MEGF6: variants seen among roughly 807,000 people sequenced by gnomAD.
MEGF6 encodes multiple epidermal growth factor-like domains protein 6.
MEGF6 carries 184 observed loss-of-function variants against 207.1 expected under a neutral mutation model. The observed-to-expected ratio is 0.89, with a 90% CI of 0.79 to 1.00. MEGF6 has a LOEUF of 1.00. MEGF6 is among the 50% of genes least tolerant of loss of function. MEGF6 has a pLI of 0.00. For synonymous variants in MEGF6, 1,038 were observed against 910.0 expected (o/e 1.14, Z -2.53); for missense variants, 2,282 against 2,202.9 (o/e 1.04, Z -0.72).
chr1:3,501,877 A>T lies in MEGF6; in HGVS notation c.2233T>A (p.Ser745Thr). 6.2e-7 allele frequency: 1 copy of T among 1,608,898 alleles called. No individual in the cohort carries two copies. The highest frequency in any genetic ancestry group is 1.1e-5 in the South Asian group (1 of 90,782). ...CCGTGGCAGGGGGCCCCCCCACAGG[A>T]GCAGGAGCTCGAGCAGTTCACGCCA... ...TFGVNCSSSC[S>T]CGGAPCHGVT... is the part of the protein sequence containing the mutation. The change falls in exon 18 of 37, where the codon TCC becomes ACC. Residue 745 changes from serine to threonine, a missense_variant. Transcript: ENST00000356575.
At chr1:3,558,591 C>T (rs1440314777) in intron 4 of MEGF6, among the ~76,000 whole-genome samples, 1 of 152,168 alleles carries the variant, frequency 6.6e-6, no homozygotes, top group Non-Finnish European at 1.5e-5. Flanking sequence ...CGTTCTAAGC[C>T]AACTGGGATC....
intron 4 of MEGF6, chr1:3,531,330 T>C (rs1436799484): frequency 3.3e-6 from 4 of 1,223,072 alleles, no homozygotes; most frequent in African/African-American, 1.6e-5. Flanking sequence ...GGCAGGCGGC[T>C]CGGGCTGGTT....
intron 3 of MEGF6, among the ~76,000 whole-genome samples, chr1:3,590,427 C>T (rs543588548): frequency 3.3e-5 from 5 of 152,342 alleles, no homozygotes; most frequent in Non-Finnish European, 7.4e-5. Flanking sequence ...GGTCCGAACC[C>T]CACTGCACCC....
In MEGF6 at chr1:3,560,970, C is replaced by G. The variant is rs1464650013; in HGVS notation, c.481+18855G>C. 6.6e-6 allele frequency among the ~76,000 whole-genome samples: 1 copy of G among 152,204 alleles called. No individual in the cohort carries two copies. Among genetic ancestry groups the G allele is most frequent in the Non-Finnish European group, 1.5e-5 (1 of 68,036 alleles). On this transcript the variant is annotated intron_variant, in intron 4 of 36. Transcript: ENST00000356575. This position sits in a 1 kb window ranked among gnomAD's most constrained non-coding sequence, Gnocchi z 4.0. ...AGGGGCTTCGGAGGGCAGGGGTCAG[C>G]TCTAGGCCCTTCTGTACTCCCAGAG...
intron 4 of MEGF6, among the ~76,000 whole-genome samples, chr1:3,576,247 G>A (rs1176189799): frequency 6.6e-6 from 1 of 152,224 alleles, no homozygotes; most frequent in Non-Finnish European, 1.5e-5. Context: ...CTGCGGAAGG[G>A]CTCCCAGGGC....
At chr1:3,568,693 G>A (rs1034024424) in intron 4 of MEGF6, among the ~76,000 whole-genome samples, 1 of 152,104 alleles carries the variant, frequency 6.6e-6, no homozygotes. Context: ...TTGCCGGCCA[G>A]CCCTTTAGCC....
chr1:3,566,005 G>A (rs889067613), intron 4 of MEGF6, among the ~76,000 whole-genome samples: 5 of 152,174 alleles, frequency 3.3e-5, no homozygotes, highest in East Asian at 1.9e-4. Flanking sequence ...ATCCCACCAC[G>A]GTGGGTGACC....
At chr1:3,530,184 C>G (rs908665303) in intron 4 of MEGF6, among the ~76,000 whole-genome samples, 1 of 152,202 alleles carries the variant, frequency 6.6e-6, no homozygotes, top group Non-Finnish European at 1.5e-5. Flanking sequence ...GAAGATGGAG[C>G]CTGGGCTGCC....
At chr1:3,610,925 G>A (rs1379979516) in intron 1 of MEGF6, among the ~76,000 whole-genome samples, 2 of 152,208 alleles carry the variant, frequency 1.3e-5, no homozygotes, top group Non-Finnish European at 2.9e-5. Flanking sequence ...AGTGGGAGGG[G>A]GGGAGGGGAC....
rs980442332 is a variant in MEGF6 at position 3,531,024 on chromosome 1, C to A, written c.482-6778G>T. On this transcript the variant is annotated intron_variant, in intron 4 of 36. Coordinates refer to ENST00000356575, the MANE Select transcript of MEGF6 (RefSeq NM_001409.4). ...CTTTAAAAACAGGAAACAAAGGGAG[C>A]GCGCCGGGGAGCGCCCTGGCCCCGC... 4.2e-6 allele frequency: 6 copies of A among 1,431,274 alleles called. No homozygotes were observed. The Admixed American group carries it at 1.3e-4, about 31-fold the overall frequency. 88.7% of individuals were successfully genotyped at this position (1,431,274 alleles called of 1,614,324 possible).
At chr1:3,605,076 T>A (rs1557429568) in intron 1 of MEGF6, among the ~76,000 whole-genome samples, 1 of 150,768 alleles carries the variant, frequency 6.6e-6, no homozygotes, top group Non-Finnish European at 1.5e-5. Context: ...ACTCACACTC[T>A]CAGTCACACA....
intron 1 of MEGF6, among the ~76,000 whole-genome samples, chr1:3,606,132 G>A (rs183200028): frequency 6.9e-4 from 105 of 152,338 alleles, no homozygotes; most frequent in African/African-American, 2.4e-3. Context: ...CGTGATGAAC[G>A]CACCCACCCC....
At chr1:3,540,881 G>A (rs749874083) in intron 4 of MEGF6, among the ~76,000 whole-genome samples, 1 of 152,206 alleles carries the variant, frequency 6.6e-6, no homozygotes, top group African/African-American at 2.4e-5. Context: ...CAGGGACACC[G>A]ACATTCAGGT....
rs375304540 is a variant in MEGF6, at chr1:3,497,246, G to A, written c.3468C>T (p.Ser1156=). 111 of 1,503,748 alleles carry A rather than the reference G, an allele frequency of 7.4e-5. No individual in the cohort carries two copies. Among genetic ancestry groups the A allele is most frequent in the South Asian group, 3.6e-4 (27 of 75,436 alleles). 93.2% of individuals were successfully genotyped at this position (1,503,748 alleles called of 1,614,324 possible). A position where few individuals can be genotyped will look rare whatever the true frequency, so the allele number is the denominator to read the frequency against. ...ACRCPPGFTG[S]GCEQACPPGS... ...GGGAGCACCTACCCTGCTCGCAGCC[G>A]GAGCCAGTGAAGCCAGGGGGACAGC... is the stretch of plus-strand genomic sequence containing the variant. The change falls in exon 27 of 37, where the codon TCC becomes TCT. Residue 1156 remains serine, a synonymous_variant. Transcript: ENST00000356575.
chr1:3,500,513 G>A (rs1640810283), intron 21 of MEGF6, 120 bp downstream of exon 21: 3 of 1,389,644 alleles, frequency 2.2e-6, no homozygotes, highest in South Asian at 2.9e-5. Flanking sequence ...GCGGCCAAAG[G>A]CTTCGTGTGT....
At chr1:3,531,399 C>G (rs1027906784) in intron 4 of MEGF6, 9 of 1,153,406 alleles carry the variant, frequency 7.8e-6, no homozygotes, top group Non-Finnish European at 9.6e-6. Context: ...CGGCGCCGCC[C>G]GGGAGCCGCT....
intron 17 of MEGF6, among the ~76,000 whole-genome samples, chr1:3,504,071 G>C (rs572605779): frequency 5.3e-5 from 8 of 152,112 alleles, no homozygotes; most frequent in Admixed American, 3.9e-4. Context: ...GCCCATGCTG[G>C]GGGGGCTTGA....
At position 3,500,632 on chromosome 1, in the gene MEGF6, CG is replaced by C; in HGVS notation, c.2707del (p.Gln903SerfsTer69). The C allele has an allele frequency of 6.4e-7, 1 of 1,554,232 alleles. No homozygotes were observed. The highest frequency in any genetic ancestry group is 8.7e-7 in the Non-Finnish European group (1 of 1,149,234). On this transcript the variant is annotated frameshift_variant and splice_region_variant, in exon 21 of 37. Coordinates refer to ENST00000356575, the MANE Select transcript of MEGF6 (RefSeq NM_001409.4). LOFTEE classifies it high-confidence loss of function. ...CAGCCAAAGGCAGGGCCGGGACTCA[CG>C]CTGCTCGCACCGCGGGCCCACGTAG... The part of the protein sequence containing the change: ...AGYVGPRCEQ[Q>X]CPQGHFGPGC...
rs1641887893 is a variant in MEGF6, at chr1:3,524,517, G to A, written c.482-271C>T. Among the ~76,000 whole-genome samples, 3 of 152,320 alleles carry A rather than the reference G, an allele frequency of 2.0e-5. No homozygotes were observed. In the South Asian group the frequency reaches 6.2e-4, roughly 32 times the overall value. ...GCAGAGGGCTCCAAGGACAGGCTGG[G>A]CCTCTAGCGCCTTTCAAGACTGAAC... On this transcript the variant is annotated intron_variant, in intron 4 of 36. Transcript: ENST00000356575.
Sources: gnomAD v4.1 joint callset for allele counts (sites outside exome capture counted in the v4.1 genomes callset) on GRCh38, gnomAD v4.1.1 for gene constraint, Gnocchi (gnomAD v3.1) non-coding constraint, MANE v1.5 for transcripts, NCBI Gene and HGNC (gene_info 2026-07-23, HGNC 2026-07-21) for gene names.